The following TRIM46 variants were observed in gnomAD, a reference collection of about 807,000 sequenced individuals.
The protein encoded by TRIM46 is tripartite motif-containing protein 46.
TRIM46 carries 17 observed loss-of-function variants against 69.7 expected under a neutral mutation model. The ratio of observed to expected loss-of-function variants is 0.24; its 90% CI spans 0.17 to 0.37. The LOEUF (loss-of-function observed/expected upper bound fraction) is 0.37. Among genes scored for constraint, TRIM46 ranks in the 10% least tolerant of loss-of-function variants. The pLI is 1.00. For missense variants in TRIM46, 675 were observed against 1,025.1 expected (o/e 0.66, Z 4.66); for synonymous variants, 391 against 429.0 (o/e 0.91, Z 1.09).
At chr1:155,180,547 A>G in intron 8 of TRIM46, 1 of 325,874 alleles carries the variant, frequency 3.1e-6, no homozygotes, top group Middle Eastern at 8.3e-4. Context: ...GTGAGCTGAG[A>G]TCGCGCCACT....
chr1:155,184,324 G>A lies in TRIM46; in HGVS notation c.*134G>A. 1 of 998,878 alleles carries A rather than the reference G, an allele frequency of 1.0e-6. No individual in the cohort carries two copies. Among genetic ancestry groups the A allele is most frequent in the Non-Finnish European group, 1.4e-6 (1 of 702,382 alleles). The allele number at this position is 998,878 out of a possible 1,614,324, so 61.9% of individuals were successfully genotyped here. ...CATGTGGCCCTGCTCCTTCTCCCGT[G>A]TCTGTCTTCCCACAGTTTTCTCTTG... On this transcript the variant is annotated 3_prime_UTR_variant, in exon 10 of 10. Transcript: ENST00000334634. The surrounding 1 kb of genome is among the most constrained non-coding windows in gnomAD (Gnocchi z 5.6).
At chr1:155,179,220 G>A (rs1665949884) in intron 7 of TRIM46, among the ~76,000 whole-genome samples, 1 of 152,140 alleles carries the variant, frequency 6.6e-6, no homozygotes, top group Non-Finnish European at 1.5e-5. Flanking sequence ...CCTCTTGCCT[G>A]TGGGCTCCAG....
intron 1 of TRIM46, chr1:155,174,555 C>T (rs867616246): frequency 2.0e-6 from 3 of 1,475,836 alleles, no homozygotes; most frequent in Non-Finnish European, 2.7e-6. Flanking sequence ...GTGTTCCCCC[C>T]CACCACTTCC....
rs1460499118 is a variant in TRIM46 at position 155,181,042 on chromosome 1, G to A, written c.1589-810G>A. 6.6e-6 allele frequency among the ~76,000 whole-genome samples: 1 copy of A among 152,044 alleles called. No homozygotes were observed. The highest frequency in any genetic ancestry group is 1.5e-5 in the Non-Finnish European group (1 of 68,028). On this transcript the variant is annotated intron_variant, in intron 8 of 9. Coordinates refer to ENST00000334634, the MANE Select transcript of TRIM46 (RefSeq NM_025058.5). The surrounding 1 kb of genome is among the most constrained non-coding windows in gnomAD (Gnocchi z 4.3). ...GAGGTCAGGCGTTCAAGACCAGCCT[G>A]GCCAACATAGTGAAACCCCGTCTCT...
chr1:155,182,969 G>T (rs796132402), intron 9 of TRIM46: 1 of 141,584 alleles, frequency 7.1e-6, no homozygotes, highest in Admixed American at 7.3e-5. Flanking sequence ...GGAGTCTAGC[G>T]GCGCGATCTC....
At chr1:155,179,331 G>A (rs1454091001) in intron 7 of TRIM46, among the ~76,000 whole-genome samples, 1 of 152,192 alleles carries the variant, frequency 6.6e-6, no homozygotes, top group Non-Finnish European at 1.5e-5. Context: ...TCATTTGACA[G>A]GGGAGGAAAC....
In TRIM46 at chr1:155,175,454, G is replaced by A. The variant is rs374566380; in HGVS notation, c.132G>A (p.Leu44=). ...GTCAAGAGATGTACAAGCAGCCACT[G>A]GTGCTGCCCTGTACCCACAACGTGT... is the stretch of plus-strand genomic sequence containing the variant. ...PVCQEMYKQP[L]VLPCTHNVCQ... Residue 44 remains leucine (L), a synonymous_variant, in exon 2 of 10, where the codon CTG becomes CTA. Transcript: ENST00000334634. The surrounding 1 kb of genome is among the most constrained non-coding windows in gnomAD (Gnocchi z 4.2). 7.4e-6 allele frequency: 12 copies of A among 1,614,022 alleles called. No individual in the cohort carries two copies. Among genetic ancestry groups the A allele is most frequent in the Admixed American group, 1.7e-5 (1 of 59,986 alleles).
At chr1:155,179,133 C>T (rs1392206991) in intron 7 of TRIM46, among the ~76,000 whole-genome samples, 1 of 152,224 alleles carries the variant, frequency 6.6e-6, no homozygotes, top group Non-Finnish European at 1.5e-5. Flanking sequence ...TGCTGTCCCT[C>T]TGTTGTCCCC....
chr1:155,174,838 G>A (rs974147611), intron 1 of TRIM46: 58 of 1,423,334 alleles, frequency 4.1e-5, no homozygotes, highest in Non-Finnish European at 4.9e-5. Flanking sequence ...GAATGGGTTG[G>A]TAAGACCGAT....
chr1:155,181,389 G>C lies in TRIM46; in HGVS notation c.1589-463G>C, dbSNP rs920248187. Among the ~76,000 whole-genome samples, 2 of 152,158 alleles carry C rather than the reference G, an allele frequency of 1.3e-5. No individual in the cohort carries two copies. The highest frequency in any genetic ancestry group is 2.9e-5 in the Non-Finnish European group (2 of 68,044). On this transcript the variant is annotated intron_variant, in intron 8 of 9. Coordinates refer to ENST00000334634, the MANE Select transcript of TRIM46 (RefSeq NM_025058.5). The surrounding 1 kb of genome is among the most constrained non-coding windows in gnomAD (Gnocchi z 4.3). ...ATGTTACTAAAGTGACTAGAAAATAGTTCGGACTCCAGGGGGTGGGCATAA... is the reference window on the plus strand; with the variant it reads ...ATGTTACTAAAGTGACTAGAAAATACTTCGGACTCCAGGGGGTGGGCATAA...
intron 7 of TRIM46, chr1:155,178,965 G>A (rs911002624): frequency 1.1e-4 from 77 of 697,384 alleles, no homozygotes; most frequent in Non-Finnish European, 1.5e-4. Flanking sequence ...GCCTTGCCCC[G>A]ACCTCGTGGT....
chr1:155,177,220 A>G lies in TRIM46; in HGVS notation c.839A>G (p.Tyr280Cys), dbSNP rs1665729908. The change falls in exon 5 of 10, where the codon TAC (tyrosine) becomes TGC (cysteine). Residue 280 changes from tyrosine to cysteine, a missense_variant. Physicochemically the swap from Tyr to Cys is radical, Grantham distance 194. Transcript: ENST00000334634. Reference protein sequence around the residue: ...LKDKLTKSLTYILGNQDTVQT... With the variant: ...LKDKLTKSLTCILGNQDTVQT... ...GACAAGCTGACAAAGAGCCTGACAT[A>G]CATCCTGGGAAACCAGGACACGGTA... 2 of 1,614,062 alleles carry G rather than the reference A, an allele frequency of 1.2e-6. No individual in the cohort carries two copies. Among genetic ancestry groups the G allele is most frequent in the Admixed American group, 3.3e-5 (2 of 60,002 alleles).
At chr1:155,176,305 G>A (rs4971059) in intron 3 of TRIM46, 74 bp downstream of exon 3, 526,500 of 1,397,812 alleles carry the variant, frequency 0.38, 106,270 homozygotes, top group East Asian at 0.8. Flanking sequence ...CTGGCATTGT[G>A]GGTTTCCAAA....
rs1665410566 is a variant in TRIM46, at chr1:155,174,133, CAGG to C, written c.63+105_63+107del. The C allele has an allele frequency of 2.3e-6, 3 of 1,324,186 alleles. No homozygotes were observed. The East Asian group carries it at 7.6e-5, about 33-fold the overall frequency. 82.0% of individuals were successfully genotyped at this position (1,324,186 alleles called of 1,614,324 possible). On this transcript the variant is annotated intron_variant, in intron 1 of 9. Transcript: ENST00000334634. ...ATCCAGGAAGATGCTGGGATGTAGA[CAGG>C]GGGCTAGCGATGGCAGAAACGGCTG...
rs764327631 is a variant in TRIM46 at position 155,177,020 on chromosome 1, G to A, written c.758G>A (p.Arg253His). Residue 253 changes from arginine (R) to histidine (H), a missense_variant, in exon 4 of 10, where the codon CGC becomes CAC. Transcript: ENST00000334634. ...RLVCQLCRVR[R>H]THSGHKITPV... ...GTATGTCAACTCTGCCGGGTGCGGC[G>A]CACCCACAGCGGGCACAAGATCACA... 6.2e-6 allele frequency: 10 copies of A among 1,614,158 alleles called. No individual in the cohort carries two copies. Among genetic ancestry groups the A allele is most frequent in the Non-Finnish European group, 6.8e-6 (8 of 1,180,010 alleles).
rs1477381407 is a variant in TRIM46 at position 155,173,940 on chromosome 1, C to T, written c.-27C>T. 5.1e-6 allele frequency: 8 copies of T among 1,568,900 alleles called. No homozygotes were observed. The highest frequency in any genetic ancestry group is 2.3e-5 in the South Asian group (2 of 85,576). On this transcript the variant is annotated 5_prime_UTR_variant, in exon 1 of 10. Coordinates refer to ENST00000334634, the MANE Select transcript of TRIM46 (RefSeq NM_025058.5). ...CGCAGCCGCAGCCGGGATCGGGCAC[C>T]CAGGGGCGGGCGGGCACGGTAGGGC...
rs190711334 is a variant in TRIM46 at position 155,177,190 on chromosome 1, C to G, written c.814-5C>G. On this transcript the variant is annotated splice_region_variant and splice_polypyrimidine_tract_variant and intron_variant, in intron 4 of 9. Transcript: ENST00000334634. ...CTTGATGCCCACCTCTTTCTTCCCC[C>G]TCAGGACAAGCTGACAAAGAGCCTG... is the stretch of plus-strand genomic sequence containing the variant. The G allele has an allele frequency of 1.5e-5, 25 of 1,614,182 alleles. No individual in the cohort carries two copies. The highest frequency in any genetic ancestry group is 1.9e-5 in the Non-Finnish European group (23 of 1,180,026).
chr1:155,184,344 C>A lies in TRIM46; in HGVS notation c.*154C>A. 1 of 870,796 alleles carries A rather than the reference C, an allele frequency of 1.1e-6. No individual in the cohort carries two copies. Among genetic ancestry groups the A allele is most frequent in the Non-Finnish European group, 1.7e-6 (1 of 586,662 alleles). The allele number at this position is 870,796 out of a possible 1,614,324, so 53.9% of individuals were successfully genotyped here. A position where few individuals can be genotyped will look rare whatever the true frequency, so the allele number is the denominator to read the frequency against. On this transcript the variant is annotated 3_prime_UTR_variant, in exon 10 of 10. Coordinates refer to ENST00000334634, the MANE Select transcript of TRIM46 (RefSeq NM_025058.5). The surrounding 1 kb of genome is among the most constrained non-coding windows in gnomAD (Gnocchi z 5.6). ...CCCGTGTCTGTCTTCCCACAGTTTT[C>A]TCTTGACCCAGGGGCTCTCTTCTGC...
At chr1:155,176,434 T>C (rs762913044) in intron 3 of TRIM46, among the ~76,000 whole-genome samples, 3 of 152,222 alleles carry the variant, frequency 2.0e-5, no homozygotes, top group African/African-American at 4.8e-5. Flanking sequence ...TGTAGGGGGA[T>C]GGTAGTATCT....
Sources: allele counts gnomAD v4.1 joint callset (sites outside exome capture counted in the v4.1 genomes callset), GRCh38; gene constraint gnomAD v4.1.1; non-coding constraint Gnocchi (gnomAD v3.1); transcripts MANE v1.5; gene names NCBI Gene and HGNC (gene_info 2026-07-23, HGNC 2026-07-21).